The following GSK3B variants were observed in gnomAD, a reference collection of about 807,000 sequenced individuals.
The protein encoded by GSK3B is glycogen synthase kinase 3 beta, also known as glycogen synthase kinase-3 beta.
GSK3B carries 15 observed loss-of-function variants against 56.4 expected under a neutral mutation model. The observed-to-expected ratio is 0.27, with a 90% CI of 0.18 to 0.41. The LOEUF (loss-of-function observed/expected upper bound fraction) is 0.41, where lower values mean the gene tolerates loss of function less well. Among genes scored for constraint, GSK3B ranks in the 10% least tolerant of loss-of-function variants. GSK3B has a pLI of 1.00. For synonymous variants in GSK3B, 181 were observed against 188.9 expected (o/e 0.96, Z 0.34); for missense variants, 300 against 513.4 (o/e 0.58, Z 4.02).
intron 1 of GSK3B, among the ~76,000 whole-genome samples, chr3:120,020,070 G>T (rs2057859406): frequency 6.6e-6 from 1 of 152,202 alleles, no homozygotes; most frequent in African/African-American, 2.4e-5. Context: ...CAAAATAGGA[G>T]GAGGAGATAT....
chr3:120,093,404 C>A lies in GSK3B; in HGVS notation c.31G>T (p.Ala11Ser). 1 of 1,613,812 alleles carries A rather than the reference C, an allele frequency of 6.2e-7. No individual in the cohort carries two copies. Among genetic ancestry groups the A allele is most frequent in the Non-Finnish European group, 8.5e-7 (1 of 1,179,728 alleles). Residue 11 changes from alanine to serine, a missense_variant, in exon 1 of 11, where the codon GCG becomes TCG. Transcript: ENST00000264235. MSGRPRTTSF[A>S]ESCKPVQQPS... The stretch of plus-strand genomic sequence containing the variant: ...TGCTGCACCGGCTTGCAGCTCTCCG[C>A]AAAGGAGGTGGTTCTGGGCCGCCCT...
chr3:119,874,401 T>C (rs2056284490), intron 8 of GSK3B, among the ~76,000 whole-genome samples: 1 of 152,188 alleles, frequency 6.6e-6, no homozygotes, highest in South Asian at 2.1e-4. Flanking sequence ...ATTAGAATAA[T>C]ATCTATAATA....
intron 7 of GSK3B, among the ~76,000 whole-genome samples, chr3:119,899,541 C>G (rs2056605016): frequency 6.6e-6 from 1 of 152,106 alleles, no homozygotes; most frequent in African/African-American, 2.4e-5. Context: ...AAACGTAGAA[C>G]TCTGAGGAGC....
At chr3:120,031,057 C>T (rs2057971531) in intron 1 of GSK3B, among the ~76,000 whole-genome samples, 1 of 152,148 alleles carries the variant, frequency 6.6e-6, no homozygotes, top group Non-Finnish European at 1.5e-5. Context: ...CTAGACCTAA[C>T]AAGTCTTACT....
intron 7 of GSK3B, among the ~76,000 whole-genome samples, chr3:119,903,549 A>G (rs1453504175): frequency 6.6e-6 from 1 of 152,212 alleles, no homozygotes; most frequent in Non-Finnish European, 1.5e-5. Context: ...AATAGCAGGT[A>G]GCATAAAATA....
At chr3:120,032,199 G>A (rs1230865351) in intron 1 of GSK3B, among the ~76,000 whole-genome samples, 1 of 152,152 alleles carries the variant, frequency 6.6e-6, no homozygotes, top group Non-Finnish European at 1.5e-5. Flanking sequence ...ACTTCAGCCT[G>A]TGCGTGGTGG....
chr3:119,873,045 A>AT (rs2056267919), intron 8 of GSK3B, among the ~76,000 whole-genome samples: 1 of 152,012 alleles, frequency 6.6e-6, no homozygotes, highest in Admixed American at 6.6e-5. Flanking sequence ...ATAGGTCTTC[A>AT]TCCCCTCACC....
At chr3:119,970,809 AAAAAACAAAAAAT>A (rs2057359507) in intron 2 of GSK3B, among the ~76,000 whole-genome samples, 2 of 151,454 alleles carry the variant, frequency 1.3e-5, no homozygotes, top group South Asian at 4.2e-4. Flanking sequence ...AAACAAACAA[AAAAAACAAAAAAT>A]AAAAAACAAA....
intron 1 of GSK3B, among the ~76,000 whole-genome samples, chr3:120,049,843 C>G (rs2058133488): frequency 6.6e-6 from 1 of 152,144 alleles, no homozygotes. Flanking sequence ...TCGGTCACAA[C>G]TACAAAATTC....
At chr3:119,916,022 A>AG (rs1218111217) in intron 5 of GSK3B, 22 bp downstream of exon 5, 3 of 1,582,458 alleles carry the variant, frequency 1.9e-6, no homozygotes, top group South Asian at 1.1e-5. Flanking sequence ...GGGAAGGGGC[A>AG]GGGAGAGGGA....
chr3:120,077,136 GA>G (rs1559903286), intron 1 of GSK3B, among the ~76,000 whole-genome samples: 2 of 152,122 alleles, frequency 1.3e-5, no homozygotes, highest in Non-Finnish European at 2.9e-5. Flanking sequence ...ACTAAAAATA[GA>G]ACTATCATAT....
intron 1 of GSK3B, among the ~76,000 whole-genome samples, chr3:120,036,026 A>G (rs1307617987): frequency 6.6e-6 from 1 of 152,252 alleles, no homozygotes; most frequent in Non-Finnish European, 1.5e-5. Context: ...AAGTGGCAGC[A>G]GAGGACACCC....
At chr3:120,065,740 T>C (rs2058272617) in intron 1 of GSK3B, among the ~76,000 whole-genome samples, 1 of 152,122 alleles carries the variant, frequency 6.6e-6, no homozygotes, top group Non-Finnish European at 1.5e-5. Flanking sequence ...CAAAATGTAA[T>C]ATATGCATAC....
chr3:120,062,808 G>A (rs551809629), intron 1 of GSK3B, among the ~76,000 whole-genome samples: 21 of 152,204 alleles, frequency 1.4e-4, no homozygotes, highest in African/African-American at 5.1e-4. Flanking sequence ...AACCATAATT[G>A]ATTACAACAA....
intron 1 of GSK3B, among the ~76,000 whole-genome samples, chr3:120,018,658 T>G (rs937139488): frequency 1.3e-5 from 2 of 152,152 alleles, no homozygotes; most frequent in African/African-American, 4.8e-5. Flanking sequence ...CTAAAATAAA[T>G]CCATAAAAAT....
At chr3:119,850,816 G>A (rs1012364171) in intron 9 of GSK3B, among the ~76,000 whole-genome samples, 5 of 152,014 alleles carry the variant, frequency 3.3e-5, no homozygotes, top group African/African-American at 1.2e-4. Flanking sequence ...TGAAATGTAA[G>A]GTAATATTTA....
chr3:119,917,128 G>C (rs1215484817), intron 4 of GSK3B, among the ~76,000 whole-genome samples: 1 of 151,778 alleles, frequency 6.6e-6, no homozygotes, highest in Non-Finnish European at 1.5e-5. Context: ...AAATATCTTG[G>C]TAAAAAAACA....
intron 1 of GSK3B, among the ~76,000 whole-genome samples, chr3:120,023,106 A>G (rs1372559399): frequency 1.3e-5 from 2 of 151,894 alleles, no homozygotes; most frequent in Admixed American, 6.6e-5. Flanking sequence ...TTAATGATAT[A>G]CCAGGATAGG....
chr3:119,897,793 C>CAAAAAAAAAAAAAAAAA (rs11464173), intron 7 of GSK3B, among the ~76,000 whole-genome samples: 2 of 73,146 alleles, frequency 2.7e-5, no homozygotes, highest in African/African-American at 4.2e-5. Flanking sequence ...GACTCTGTCT[C>CAAAAAAAAAAAAAAAAA]AAAAAAAAAA....
Sources: gnomAD v4.1 joint callset for allele counts (sites outside exome capture counted in the v4.1 genomes callset) on GRCh38, gnomAD v4.1.1 for gene constraint, MANE v1.5 for transcripts, NCBI Gene and HGNC (gene_info 2026-07-23, HGNC 2026-07-21) for gene names.